The following PTPRK variants were observed in gnomAD, a reference collection of about 807,000 sequenced individuals.
PTPRK encodes the protein receptor-type tyrosine-protein phosphatase kappa.
In PTPRK, 75 loss-of-function variants were observed where a neutral mutation model predicts 178.0. That is an observed-to-expected ratio of 0.42 (90% CI 0.35 to 0.51). The LOEUF is 0.51. Ranked by LOEUF, PTPRK falls within the 20% of genes least tolerant of loss-of-function variation. The probability of loss-of-function intolerance (pLI) is 0.02; values close to 1 mark genes in which losing one functional copy is unlikely to be tolerated. For missense variants in PTPRK, 1,441 were observed against 1,797.8 expected (o/e 0.80, Z 3.59); for synonymous variants, 637 against 620.6 (o/e 1.03, Z -0.39).
At chr6:127,973,393 A>G (rs1774164796) in intron 28 of PTPRK, among the ~76,000 whole-genome samples, 1 of 152,220 alleles carries the variant, frequency 6.6e-6, no homozygotes, top group African/African-American at 2.4e-5. Context: ...CTAGACTTTG[A>G]GATTCTGATA....
intron 1 of PTPRK, among the ~76,000 whole-genome samples, chr6:128,427,573 A>G (rs1844304470): frequency 1.3e-5 from 2 of 152,238 alleles, no homozygotes; most frequent in Non-Finnish European, 2.9e-5. Flanking sequence ...AAGACAATGT[A>G]ACATATGAAC....
intron 6 of PTPRK, among the ~76,000 whole-genome samples, chr6:128,209,218 A>T (rs1427412964): frequency 6.6e-6 from 1 of 152,098 alleles, no homozygotes; most frequent in Admixed American, 6.6e-5. Flanking sequence ...TATGTAAGTA[A>T]CCTACTTCAA....
chr6:128,501,864 T>C (rs1301826285), intron 1 of PTPRK, among the ~76,000 whole-genome samples: 1 of 152,194 alleles, frequency 6.6e-6, no homozygotes, highest in East Asian at 1.9e-4. Context: ...TGAAAAAACA[T>C]GCTTTATATT....
intron 7 of PTPRK, among the ~76,000 whole-genome samples, chr6:128,096,745 G>T (rs1195702312): frequency 6.6e-6 from 1 of 152,128 alleles, no homozygotes; most frequent in Admixed American, 6.5e-5. Flanking sequence ...CTGCAAAACA[G>T]AACTTTCATT....
At chr6:128,119,173 T>C (rs1363151034) in intron 7 of PTPRK, among the ~76,000 whole-genome samples, 1 of 152,028 alleles carries the variant, frequency 6.6e-6, no homozygotes, top group Non-Finnish European at 1.5e-5. Context: ...GTCTTGATTC[T>C]CTCCAGTAAT....
At chr6:128,458,078 C>G (rs1848604146) in intron 1 of PTPRK, among the ~76,000 whole-genome samples, 1 of 152,130 alleles carries the variant, frequency 6.6e-6, no homozygotes, top group South Asian at 2.1e-4. Context: ...TCTCAACTGT[C>G]TCTACTGGGT....
chr6:128,090,418 C>T (rs113553791), intron 7 of PTPRK, among the ~76,000 whole-genome samples: 5,297 of 152,054 alleles, frequency 0.035, 165 homozygotes, highest in Middle Eastern at 0.092. Flanking sequence ...ATGCTGTATA[C>T]GAATTATTCT....
At chr6:128,132,998 A>G (rs1226494495) in intron 7 of PTPRK, among the ~76,000 whole-genome samples, 1 of 152,240 alleles carries the variant, frequency 6.6e-6, no homozygotes, top group Non-Finnish European at 1.5e-5. Context: ...CTATAAAATG[A>G]AGTAGAACTG....
intron 7 of PTPRK, among the ~76,000 whole-genome samples, chr6:128,172,596 G>A (rs1273364919): frequency 1.3e-5 from 2 of 151,260 alleles, no homozygotes; most frequent in African/African-American, 4.9e-5. Context: ...AGATATCAAA[G>A]TAATACTGAT....
intron 6 of PTPRK, among the ~76,000 whole-genome samples, chr6:128,193,926 T>C (rs949344552): frequency 1.3e-5 from 2 of 151,888 alleles, no homozygotes; most frequent in East Asian, 1.9e-4. Context: ...AAAAAGTAAG[T>C]TTATGTGTCC....
intron 3 of PTPRK, among the ~76,000 whole-genome samples, chr6:128,308,838 G>A (rs538950356): frequency 1.2e-4 from 18 of 152,236 alleles, no homozygotes; most frequent in South Asian, 8.3e-4. Context: ...ATAAACTTTC[G>A]CCAAGCTTTG....
At chr6:128,498,536 T>C (rs954700978) in intron 1 of PTPRK, among the ~76,000 whole-genome samples, 1 of 152,184 alleles carries the variant, frequency 6.6e-6, no homozygotes, top group Non-Finnish European at 1.5e-5. Flanking sequence ...GTGGCATCAA[T>C]GCTCCTCTGT....
chr6:128,472,064 G>T (rs915014188), intron 1 of PTPRK, among the ~76,000 whole-genome samples: 1 of 152,132 alleles, frequency 6.6e-6, no homozygotes, highest in African/African-American at 2.4e-5. Flanking sequence ...GACAGTTCAA[G>T]AGGGCAAAGT....
At chr6:128,435,126 A>AAGGCAGGCAGGCAGGC (rs775750807) in intron 1 of PTPRK, among the ~76,000 whole-genome samples, 2 of 79,460 alleles carry the variant, frequency 2.5e-5, no homozygotes, top group Admixed American at 1.1e-4. Context: ...GGCAGGCAGG[A>AAGGCAGGCAGGCAGGC]AGGCAGGCAG....
intron 1 of PTPRK, among the ~76,000 whole-genome samples, chr6:128,402,360 C>T (rs538030175): frequency 3.9e-4 from 59 of 152,226 alleles, no homozygotes; most frequent in African/African-American, 1.1e-3. Context: ...CAGGTTTAAG[C>T]GATCCTCCTG....
At chr6:128,498,578 GAACTATGTCTAAGTAT>G (rs1478885753) in intron 1 of PTPRK, among the ~76,000 whole-genome samples, 1 of 152,158 alleles carries the variant, frequency 6.6e-6, no homozygotes, top group African/African-American at 2.4e-5. Context: ...TAAAGGTTGA[GAACTATGTCTAAGTAT>G]GACAATGTGC....
At chr6:128,362,619 G>A (rs1159472841) in intron 2 of PTPRK, among the ~76,000 whole-genome samples, 1 of 152,144 alleles carries the variant, frequency 6.6e-6, no homozygotes, top group Non-Finnish European at 1.5e-5. Flanking sequence ...TGGCTGTCCA[G>A]CTTTTTGCTC....
At chr6:128,497,294 C>T (rs1218953259) in intron 1 of PTPRK, among the ~76,000 whole-genome samples, 1 of 152,032 alleles carries the variant, frequency 6.6e-6, no homozygotes. Flanking sequence ...TTTAATTATG[C>T]CTGGCTATAT....
intron 7 of PTPRK, among the ~76,000 whole-genome samples, chr6:128,130,699 G>C (rs938539917): frequency 2.6e-5 from 4 of 152,076 alleles, no homozygotes; most frequent in Non-Finnish European, 5.9e-5. Flanking sequence ...AAATTCATTT[G>C]GCAATTACAT....
Sources: allele counts gnomAD v4.1 joint callset (sites outside exome capture counted in the v4.1 genomes callset), GRCh38; gene constraint gnomAD v4.1.1; transcripts MANE v1.5; gene names NCBI Gene and HGNC (gene_info 2026-07-23, HGNC 2026-07-21).